DPYD: variants seen among roughly 807,000 people sequenced by gnomAD.
DPYD encodes the protein dihydropyrimidine dehydrogenase.
DPYD carries 109 observed loss-of-function variants against 116.2 expected under a neutral mutation model. That is an observed-to-expected ratio of 0.94 (90% CI 0.80 to 1.10). The LOEUF (loss-of-function observed/expected upper bound fraction) is 1.10, where lower values mean the gene tolerates loss of function less well. DPYD is among the 50% of genes least tolerant of loss of function. The probability of loss-of-function intolerance (pLI) is 0.00; values close to 1 mark genes in which losing one functional copy is unlikely to be tolerated. For synonymous variants in DPYD, 440 were observed against 432.0 expected (o/e 1.02, Z -0.23); for missense variants, 1,302 against 1,254.5 (o/e 1.04, Z -0.57).
intron 2 of DPYD, among the ~76,000 whole-genome samples, chr1:97,873,681 T>C (rs1362750420): frequency 6.6e-6 from 1 of 151,920 alleles, no homozygotes; most frequent in Non-Finnish European, 1.5e-5. Context: ...ATCATAATAA[T>C]TAACAAAACA....
intron 14 of DPYD, among the ~76,000 whole-genome samples, chr1:97,405,406 C>T (rs1673600844): frequency 6.6e-6 from 1 of 152,052 alleles, no homozygotes; most frequent in Non-Finnish European, 1.5e-5. Flanking sequence ...GTTTGTTTGT[C>T]TGAGAAAGTG....
At position 97,323,428 on chromosome 1, in the gene DPYD, A is replaced by G. The variant is rs548730732; in HGVS notation, c.2059-17131T>C. Among the ~76,000 whole-genome samples, 10 of 90,110 alleles carry G rather than the reference A, an allele frequency of 1.1e-4. 1 individual carries two copies. The highest frequency in any genetic ancestry group is 3.3e-4 in the South Asian group (1 of 3,062). 59.1% of individuals were successfully genotyped at this position (90,110 alleles called of 152,430 possible). A position where few individuals can be genotyped will look rare whatever the true frequency, so the allele number is the denominator to read the frequency against. On this transcript the variant is annotated intron_variant, in intron 16 of 22. Coordinates refer to ENST00000370192, the MANE Select transcript of DPYD (RefSeq NM_000110.4). ...TGTATATGTACACGTATATATACAT[A>G]TGTGTATATGTACACGTATATACAT... is the stretch of plus-strand genomic sequence containing the variant.
intron 20 of DPYD, among the ~76,000 whole-genome samples, chr1:97,169,235 T>C (rs759856754): frequency 1.8e-4 from 27 of 152,314 alleles, no homozygotes; most frequent in Non-Finnish European, 2.8e-4. Flanking sequence ...GTGTTACCTA[T>C]AAACATTTTA....
chr1:97,690,208 T>C (rs1050439676), intron 7 of DPYD, among the ~76,000 whole-genome samples: 2 of 152,076 alleles, frequency 1.3e-5, no homozygotes, highest in African/African-American at 2.4e-5. Context: ...TAGATATTAA[T>C]AGACTTTGCC....
intron 8 of DPYD, among the ~76,000 whole-genome samples, chr1:97,602,618 T>C (rs1451078973): frequency 2.6e-5 from 4 of 151,912 alleles, no homozygotes; most frequent in Non-Finnish European, 5.9e-5. Context: ...AAAAAATACA[T>C]AGATTTTATT....
intron 13 of DPYD, among the ~76,000 whole-genome samples, chr1:97,457,860 T>G (rs570016589): frequency 4.6e-5 from 7 of 152,274 alleles, no homozygotes; most frequent in African/African-American, 1.7e-4. Context: ...TTAATACCAA[T>G]AGCTCACAGC....
intron 2 of DPYD, among the ~76,000 whole-genome samples, chr1:97,869,113 C>T (rs1445385550): frequency 6.6e-6 from 1 of 151,742 alleles, no homozygotes; most frequent in African/African-American, 2.4e-5. Flanking sequence ...TCATTTTATT[C>T]CTGCTCAAAC....
At chr1:97,918,665 A>G (rs1558053447) in intron 1 of DPYD, among the ~76,000 whole-genome samples, 1 of 152,206 alleles carries the variant, frequency 6.6e-6, no homozygotes, top group Non-Finnish European at 1.5e-5. Context: ...CCCCAGAAAC[A>G]AAGATATTTC....
intron 10 of DPYD, among the ~76,000 whole-genome samples, chr1:97,587,951 C>A (rs1654253156): frequency 6.6e-6 from 1 of 151,568 alleles, no homozygotes; most frequent in African/African-American, 2.4e-5. Flanking sequence ...GCCTATAGGT[C>A]ATGCCACAAA....
intron 14 of DPYD, among the ~76,000 whole-genome samples, chr1:97,448,393 A>C (rs1004715355): frequency 2.6e-5 from 4 of 151,430 alleles, no homozygotes; most frequent in Non-Finnish European, 5.9e-5. Flanking sequence ...TCATCAGTTA[A>C]ATAGAGAAAA....
chr1:97,256,652 T>A (rs1184053966), intron 18 of DPYD, among the ~76,000 whole-genome samples: 1 of 152,112 alleles, frequency 6.6e-6, no homozygotes, highest in Non-Finnish European at 1.5e-5. Flanking sequence ...GTATAAATTA[T>A]CCAGTCTCAG....
At chr1:97,775,250 C>T (rs942029819) in intron 3 of DPYD, among the ~76,000 whole-genome samples, 1 of 152,080 alleles carries the variant, frequency 6.6e-6, no homozygotes, top group Non-Finnish European at 1.5e-5. Flanking sequence ...TACCAACATA[C>T]ATTAACTATC....
intron 6 of DPYD, among the ~76,000 whole-genome samples, chr1:97,697,145 T>C (rs1158833434): frequency 6.6e-6 from 1 of 152,132 alleles, no homozygotes; most frequent in Non-Finnish European, 1.5e-5. Flanking sequence ...CAGAAGCCAC[T>C]GTTAGAGGAA....
chr1:97,101,469 C>CAAAA (rs59063384), intron 20 of DPYD, among the ~76,000 whole-genome samples: 4 of 91,058 alleles, frequency 4.4e-5, no homozygotes, highest in Non-Finnish European at 6.5e-5. Flanking sequence ...TTTGATCTTG[C>CAAAA]AAAAAAAAAA....
intron 2 of DPYD, among the ~76,000 whole-genome samples, chr1:97,857,418 T>C (rs987406191): frequency 2.0e-5 from 3 of 152,124 alleles, no homozygotes; most frequent in Non-Finnish European, 2.9e-5. Flanking sequence ...GATTGGAACT[T>C]TGAGCCCCAT....
chr1:97,233,859 A>G (rs946325368), intron 19 of DPYD, among the ~76,000 whole-genome samples: 1 of 152,228 alleles, frequency 6.6e-6, no homozygotes, highest in Non-Finnish European at 1.5e-5. Context: ...GGAGGCACAG[A>G]GAAAAGTAAA....
rs1282093189 is a variant in DPYD at position 97,078,259 on chromosome 1, T to C, written c.*717A>G. On this transcript the variant is annotated 3_prime_UTR_variant, in exon 23 of 23. Coordinates refer to ENST00000370192, the MANE Select transcript of DPYD (RefSeq NM_000110.4). ...CTATCATCTCATTTTGTTAGGAACA[T>C]AGTTTAAAGAGAAATGCCATTAAAA... is the stretch of plus-strand genomic sequence containing the variant. The C allele has an allele frequency of 6.5e-6, 1 of 154,122 alleles. No individual in the cohort carries two copies. The highest frequency in any genetic ancestry group is 2.0e-4 in the South Asian group (1 of 5,002). The allele number at this position is 154,122 out of a possible 1,614,324, so 9.5% of individuals were successfully genotyped here.
At chr1:97,766,266 G>A (rs1472863694) in intron 3 of DPYD, among the ~76,000 whole-genome samples, 2 of 151,882 alleles carry the variant, frequency 1.3e-5, no homozygotes, top group Non-Finnish European at 2.9e-5. Flanking sequence ...AATAACTGTT[G>A]CCTGTGGTAA....
At chr1:97,428,284 T>C (rs1013211505) in intron 14 of DPYD, among the ~76,000 whole-genome samples, 3 of 152,146 alleles carry the variant, frequency 2.0e-5, no homozygotes, top group Admixed American at 1.3e-4. Flanking sequence ...TTTATTTTAA[T>C]GTGCTCCATG....
Sources: gnomAD v4.1 joint callset for allele counts (sites outside exome capture counted in the v4.1 genomes callset) on GRCh38, gnomAD v4.1.1 for gene constraint, MANE v1.5 for transcripts, NCBI Gene and HGNC (gene_info 2026-07-23, HGNC 2026-07-21) for gene names.